TRPM5: variants seen among roughly 807,000 people sequenced by gnomAD.
TRPM5 encodes transient receptor potential cation channel subfamily M member 5, also known as MLSN1 and TRP-related.
TRPM5 carries 121 observed loss-of-function variants against 124.9 expected under a neutral mutation model. That is an observed-to-expected ratio of 0.97 (90% CI 0.84 to 1.13). TRPM5 has a LOEUF of 1.13. TRPM5 is among the 50% of genes most tolerant of loss of function. The pLI, the probability that TRPM5 is intolerant of heterozygous loss-of-function variation, is 0.00. For synonymous variants in TRPM5, 781 were observed against 700.5 expected (o/e 1.11, Z -1.81); for missense variants, 1,643 against 1,589.1 (o/e 1.03, Z -0.58).
At chr11:2,419,913 G>T (rs1589874511) in intron 4 of TRPM5, among the ~76,000 whole-genome samples, 1 of 151,224 alleles carries the variant, frequency 6.6e-6, no homozygotes, top group Non-Finnish European at 1.5e-5. Flanking sequence ...TAGAGTCCCG[G>T]AGCCTCTGAC....
chr11:2,441,405 AC>A, the TRPM5 span, among the ~76,000 whole-genome samples: 1 of 149,178 alleles, frequency 6.7e-6, no homozygotes, highest in South Asian at 2.1e-4. The surrounding 1 kb of genome is among the most constrained non-coding windows in gnomAD (Gnocchi z 7.2). Flanking sequence ...TTACTCCCCC[AC>A]CCTCAGCCCT....
At chr11:2,405,181 A>G (rs2133493972) in intron 23 of TRPM5, 138 bp from the exon 29 acceptor site, 2 of 698,540 alleles carry the variant, frequency 2.9e-6, no homozygotes, top group South Asian at 3.7e-5. Flanking sequence ...CCTGGGGAAG[A>G]TGGGGAGCCC....
At chr11:2,404,836 G>T in exon 24 of TRPM5, 3 of 939,506 alleles carry the variant, frequency 3.2e-6, no homozygotes, top group South Asian at 1.5e-5. Flanking sequence ...GGGGGCTGGT[G>T]CCCCCTGGGG....
chr11:2,420,244 C>G, exon 4 of TRPM5: 1 of 1,607,518 alleles, frequency 6.2e-7, no homozygotes. Flanking sequence ...CCCTCTGCTC[C>G]GAGATGTGCT....
At chr11:2,413,700 C>A (rs1850503302) in intron 12 of TRPM5, 112 bp from the exon 18 acceptor site, 6 of 967,798 alleles carry the variant, frequency 6.2e-6, no homozygotes, top group African/African-American at 3.3e-5. Context: ...TGAAGGGGTG[C>A]CCAGCCCAGC....
chr11:2,404,353 G>A (rs1030000524), downstream of TRPM5, among the ~76,000 whole-genome samples: 1 of 152,206 alleles, frequency 6.6e-6, no homozygotes, highest in African/African-American at 2.4e-5. Flanking sequence ...CAGGGGCTTT[G>A]TCTTGGGGCC....
intron 21 of TRPM5, 113 bp downstream of exon 26, chr11:2,406,548 C>G: frequency 7.1e-7 from 1 of 1,407,108 alleles, no homozygotes; most frequent in Non-Finnish European, 9.7e-7. Flanking sequence ...AGCCCTGCCC[C>G]TACCCCTTCA....
chr11:2,420,137 G>A, intron 4 of TRPM5, 85 bp downstream of exon 9: 1 of 1,463,372 alleles, frequency 6.8e-7, no homozygotes, highest in Non-Finnish European at 9.2e-7. Flanking sequence ...CTTCTCCCTG[G>A]CGGTCACCCC....
At chr11:2,415,384 C>T (rs1205700096) in exon 9 of TRPM5, 7 of 1,590,528 alleles carry the variant, frequency 4.4e-6, no homozygotes, top group Non-Finnish European at 6.0e-6. Flanking sequence ...AAGTCGGCCA[C>T]GTCTGCGCCG....
At chr11:2,434,844 G>A in the TRPM5 span, among the ~76,000 whole-genome samples, 16 of 152,286 alleles carry the variant, frequency 1.1e-4, no homozygotes, top group Middle Eastern at 3.4e-3. Flanking sequence ...GAGAGAAGTC[G>A]TTTCTGAGGT....
chr11:2,443,986 C>T, the TRPM5 span, among the ~76,000 whole-genome samples: 1 of 152,150 alleles, frequency 6.6e-6, no homozygotes, highest in Non-Finnish European at 1.5e-5. This position sits in a 1 kb window ranked among gnomAD's most constrained non-coding sequence, Gnocchi z 5.0. Flanking sequence ...GAGGACAAGG[C>T]GCCCATTCTC....
chr11:2,424,144 G>A (rs1375373533), upstream of TRPM5, among the ~76,000 whole-genome samples: 1 of 152,240 alleles, frequency 6.6e-6, no homozygotes, highest in African/African-American at 2.4e-5. Context: ...GTTCTCCTGT[G>A]CCCACCTTGT....
At chr11:2,408,417 G>A (rs368228619) in intron 18 of TRPM5, among the ~76,000 whole-genome samples, 9 of 152,338 alleles carry the variant, frequency 5.9e-5, no homozygotes, top group African/African-American at 2.2e-4. Flanking sequence ...TAAACCCCAA[G>A]CTGGCAAGTA....
intron 18 of TRPM5, among the ~76,000 whole-genome samples, chr11:2,410,121 G>A (rs1473152547): frequency 6.6e-6 from 1 of 152,196 alleles, no homozygotes; most frequent in Non-Finnish European, 1.5e-5. Context: ...GGCAGGGTCT[G>A]GTTAAACTAA....
intron 2 of TRPM5, among the ~76,000 whole-genome samples, chr11:2,421,862 G>T (rs1046740623): frequency 2.0e-5 from 3 of 152,184 alleles, no homozygotes; most frequent in Admixed American, 1.3e-4. Context: ...AGGCCCAGCT[G>T]GGGGAGGTCC....
intron 12 of TRPM5, among the ~76,000 whole-genome samples, chr11:2,413,810 T>C (rs1565010039): frequency 6.6e-6 from 1 of 152,078 alleles, no homozygotes; most frequent in African/African-American, 2.4e-5. Context: ...AGGGAAAAGA[T>C]TGGGCTTGGG....
intron 22 of TRPM5, 29 bp from the exon 28 acceptor site, chr11:2,405,622 T>C: frequency 6.4e-7 from 1 of 1,551,692 alleles, no homozygotes; most frequent in Non-Finnish European, 8.7e-7. Context: ...TCCGGGAAGC[T>C]CCAGGGCTCT....
At chr11:2,425,457 G>A (rs559321449), upstream of TRPM5, among the ~76,000 whole-genome samples, 22 of 152,300 alleles carry the variant, frequency 1.4e-4, no homozygotes, top group African/African-American at 5.3e-4. Flanking sequence ...CTACCCCAGC[G>A]TGGCTTCATC....
At chr11:2,419,150 C>T (rs73417505) in intron 4 of TRPM5, among the ~76,000 whole-genome samples, 415 of 152,294 alleles carry the variant, frequency 2.7e-3, no homozygotes, top group African/African-American at 9.7e-3. Context: ...GAACTGGGCT[C>T]GCAGGCGGGC....
Sources: allele counts gnomAD v4.1 joint callset (sites outside exome capture counted in the v4.1 genomes callset), GRCh38; gene constraint gnomAD v4.1.1; non-coding constraint Gnocchi (gnomAD v3.1); transcripts MANE v1.5; gene names NCBI Gene and HGNC (gene_info 2026-07-23, HGNC 2026-07-21).